Variants in RRP1B observed in about 807,000 individuals in gnomAD.
RRP1B encodes ribosomal RNA processing protein 1 homolog B.
In RRP1B, 56 loss-of-function variants were observed where a neutral mutation model predicts 80.2. The observed-to-expected ratio is 0.70, with a 90% CI of 0.56 to 0.87. The LOEUF (loss-of-function observed/expected upper bound fraction) is 0.87. Among genes scored for constraint, RRP1B ranks in the 40% least tolerant of loss-of-function variants. The probability of loss-of-function intolerance (pLI) is 0.00; values close to 1 mark genes in which losing one functional copy is unlikely to be tolerated. For missense variants in RRP1B, 807 were observed against 939.8 expected (o/e 0.86, Z 1.85); for synonymous variants, 351 against 357.6 (o/e 0.98, Z 0.21).
chr21:43,672,293 AC>A lies in RRP1B; in HGVS notation c.214-11del. 6 of 1,611,924 alleles carry A rather than the reference AC, an allele frequency of 3.7e-6. No homozygotes were observed. The highest frequency in any genetic ancestry group is 5.1e-6 in the Non-Finnish European group (6 of 1,178,916). ...ACGATAACCCCCATGTTTCTCCCCA[AC>A]CCCGCCTCTGCAGGAAGAGCTCGCC... On this transcript the variant is annotated splice_polypyrimidine_tract_variant and intron_variant, in intron 2 of 15. Transcript: ENST00000340648.
In RRP1B at chr21:43,694,461, T is replaced by G. The variant is rs1480539100; in HGVS notation, c.*1078T>G. ...AGCGATTGCTGGATCATTGATCTGT[T>G]TGAGGAAGTGTCTGACCTGGGCCTG... On this transcript the variant is annotated 3_prime_UTR_variant, in exon 16 of 16. Coordinates refer to ENST00000340648, the MANE Select transcript of RRP1B (RefSeq NM_015056.3). 1 of 152,270 alleles carries G rather than the reference T, an allele frequency of 6.6e-6. No homozygotes were observed. Among genetic ancestry groups the G allele is most frequent in the Non-Finnish European group, 1.5e-5 (1 of 68,062 alleles). The allele number at this position is 152,270 out of a possible 1,614,324, so 9.4% of individuals were successfully genotyped here. A position where few individuals can be genotyped will look rare whatever the true frequency, so the allele number is the denominator to read the frequency against.
chr21:43,688,254 A>G lies in RRP1B; in HGVS notation c.1866+14A>G, dbSNP rs1053073983. 14 of 1,518,868 alleles carry G rather than the reference A, an allele frequency of 9.2e-6. No homozygotes were observed. The African/African-American group carries it at 1.4e-4, about 15-fold the overall frequency. 94.1% of individuals were successfully genotyped at this position (1,518,868 alleles called of 1,614,324 possible). A position where few individuals can be genotyped will look rare whatever the true frequency, so the allele number is the denominator to read the frequency against. On this transcript the variant is annotated intron_variant, in intron 13 of 15. Coordinates refer to ENST00000340648, the MANE Select transcript of RRP1B (RefSeq NM_015056.3). ...CCCCAGGCTCTGGTAAGGTGGGAGC[A>G]CCCACAGGCCAGCTCGCCACAGAGG...
In RRP1B at chr21:43,687,736, T is replaced by G. The variant is rs1408561866; in HGVS notation, c.1362T>G (p.Thr454=). Residue 454 remains threonine (T), a synonymous_variant, in exon 13 of 16, where the codon ACT becomes ACG. Transcript: ENST00000340648. ...CAGGTGCAGAGGCCACGTCCAGCACTGGGGAGGAGAGTGGCTCCGAGCATC... is the reference window on the plus strand; with the variant it reads ...CAGGTGCAGAGGCCACGTCCAGCACGGGGGAGGAGAGTGGCTCCGAGCATC... The part of the protein sequence containing the change: ...AEPGAEATSS[T]GEESGSEHPP... 6.2e-7 allele frequency: 1 copy of G among 1,612,972 alleles called. No individual in the cohort carries two copies. Among genetic ancestry groups the G allele is most frequent in the Admixed American group, 1.7e-5 (1 of 60,004 alleles).
At chr21:43,673,666 G>A (rs1338089725) in intron 3 of RRP1B, among the ~76,000 whole-genome samples, 3 of 150,522 alleles carry the variant, frequency 2.0e-5, no homozygotes, top group African/African-American at 7.3e-5. Context: ...TAAAAGATCT[G>A]CACAGTCTAA....
chr21:43,668,360 CTT>C (rs767474011), intron 1 of RRP1B, among the ~76,000 whole-genome samples: 55 of 140,330 alleles, frequency 3.9e-4, no homozygotes, highest in Non-Finnish European at 3.4e-4. Context: ...CTTTTTGTCA[CTT>C]TTTTTTTTTT....
At position 43,675,108 on chromosome 21, in the gene RRP1B, G is replaced by A. The variant is rs2147167162; in HGVS notation, c.494G>A (p.Arg165Lys). Residue 165 changes from arginine to lysine, a missense_variant, in exon 6 of 16, where the codon AGA becomes AAA. Coordinates refer to ENST00000340648, the MANE Select transcript of RRP1B (RefSeq NM_015056.3). Reference sequence around the variant, plus strand: ...GAGAGTCAGTCTCCTAATGGAGTGAGATTCCACTTCATTGATATTTACCTG... The same window carrying A: ...GAGAGTCAGTCTCCTAATGGAGTGAAATTCCACTTCATTGATATTTACCTG... ...CPESQSPNGV[R>K]FHFIDIYLDE... The A allele has an allele frequency of 1.9e-6, 3 of 1,613,332 alleles. No individual in the cohort carries two copies. Among genetic ancestry groups the A allele is most frequent in the Non-Finnish European group, 2.5e-6 (3 of 1,179,312 alleles).
Position 43,687,721 on chromosome 21 carries a change from G to C in RRP1B, c.1347G>C (p.Glu449Asp), listed in dbSNP as rs2083069355. The change falls in exon 13 of 16, where the codon GAG becomes GAC. Residue 449 changes from glutamate to aspartate, a missense_variant. Coordinates refer to ENST00000340648, the MANE Select transcript of RRP1B (RefSeq NM_015056.3). Reference sequence around the variant, plus strand: ...CACGTGTGGCCGAGCCAGGTGCAGAGGCCACGTCCAGCACTGGGGAGGAGA... The same window carrying C: ...CACGTGTGGCCGAGCCAGGTGCAGACGCCACGTCCAGCACTGGGGAGGAGA... ...LKARVAEPGA[E>D]ATSSTGEESG... is the part of the protein sequence containing the mutation. 1 of 1,612,796 alleles carries C rather than the reference G, an allele frequency of 6.2e-7. No homozygotes were observed. The highest frequency in any genetic ancestry group is 8.5e-7 in the Non-Finnish European group (1 of 1,179,660).
At chr21:43,688,598 C>T (rs1601761416) in intron 13 of RRP1B, among the ~76,000 whole-genome samples, 1 of 152,336 alleles carries the variant, frequency 6.6e-6, no homozygotes, top group Admixed American at 6.5e-5. Flanking sequence ...AGCGCATGGC[C>T]AGTCCAGGCC....
At chr21:43,664,979 A>C (rs1480658736) in intron 1 of RRP1B, among the ~76,000 whole-genome samples, 2 of 152,182 alleles carry the variant, frequency 1.3e-5, no homozygotes, top group Non-Finnish European at 2.9e-5. Flanking sequence ...TCAAGGTGAG[A>C]TTTGGGTGGG....
chr21:43,661,412 T>C (rs2082956631), intron 1 of RRP1B, among the ~76,000 whole-genome samples: 1 of 152,224 alleles, frequency 6.6e-6, no homozygotes, highest in African/African-American at 2.4e-5. Context: ...TTTTGGTTGC[T>C]GGTTCCCACC....
chr21:43,689,136 T>C (rs933845755), intron 13 of RRP1B, among the ~76,000 whole-genome samples: 6 of 152,210 alleles, frequency 3.9e-5, no homozygotes, highest in Non-Finnish European at 7.4e-5. Flanking sequence ...CCGGCAAACG[T>C]AGTGTCACTG....
chr21:43,690,654 G>A (rs906321084), intron 14 of RRP1B, among the ~76,000 whole-genome samples: 2 of 152,044 alleles, frequency 1.3e-5, no homozygotes, highest in African/African-American at 2.4e-5. Context: ...TTTGAGGGGC[G>A]GTTGATCCAC....
rs1311373155 is a variant in RRP1B at position 43,691,101 on chromosome 21, CCT to C, written c.2020-333_2020-332del. Among the ~76,000 whole-genome samples, 9 of 152,302 alleles carry C rather than the reference CCT, an allele frequency of 5.9e-5. No homozygotes were observed. The highest frequency in any genetic ancestry group is 1.9e-4 in the African/African-American group (8 of 41,568). ...ACTGTTTTTAGGACAGTTCAGGCAT[CCT>C]CTCTGTTTGCCTTTCTTCCCTGGAT... is the stretch of plus-strand genomic sequence containing the variant. On this transcript the variant is annotated intron_variant, in intron 14 of 15. Coordinates refer to ENST00000340648, the MANE Select transcript of RRP1B (RefSeq NM_015056.3). The surrounding 1 kb of genome is among the most constrained non-coding windows in gnomAD (Gnocchi z 4.2).
At position 43,659,894 on chromosome 21, in the gene RRP1B, TGTC is replaced by T. The variant is rs1254390919; in HGVS notation, c.130+103_130+105del. The stretch of plus-strand genomic sequence containing the variant: ...GGCACGGAATGCGGCTTCCACGTGT[TGTC>T]GTGACACCCAGCGTGTGCTTCGGTT... On this transcript the variant is annotated intron_variant, in intron 1 of 15. Transcript: ENST00000340648. This position sits in a 1 kb window ranked among gnomAD's most constrained non-coding sequence, Gnocchi z 4.2. The T allele has an allele frequency of 6.3e-6, 8 of 1,262,660 alleles. No homozygotes were observed. Among genetic ancestry groups the T allele is most frequent in the East Asian group, 3.1e-5 (1 of 31,986 alleles). 78.2% of individuals were successfully genotyped at this position (1,262,660 alleles called of 1,614,324 possible).
At chr21:43,660,654 G>T (rs376240825) in intron 1 of RRP1B, among the ~76,000 whole-genome samples, 1 of 152,210 alleles carries the variant, frequency 6.6e-6, no homozygotes. Context: ...TTCTGGGAAG[G>T]CCTCTCTGGG....
Position 43,691,766 on chromosome 21 carries a change from G to A in RRP1B, c.2083+264G>A, listed in dbSNP as rs1398380991. ...GCGATTCTCCTGCCTCAGGCTGCCG[G>A]GTAGCGGGTAGCTGGGATCACAGGT... is the stretch of plus-strand genomic sequence containing the variant. On this transcript the variant is annotated intron_variant, in intron 15 of 15. Coordinates refer to ENST00000340648, the MANE Select transcript of RRP1B (RefSeq NM_015056.3). This position sits in a 1 kb window ranked among gnomAD's most constrained non-coding sequence, Gnocchi z 4.2. 6.6e-6 allele frequency among the ~76,000 whole-genome samples: 1 copy of A among 151,964 alleles called. No homozygotes were observed. Among genetic ancestry groups the A allele is most frequent in the African/African-American group, 2.4e-5 (1 of 41,342 alleles).
chr21:43,688,627 G>A (rs1427302943), intron 13 of RRP1B, among the ~76,000 whole-genome samples: 1 of 152,206 alleles, frequency 6.6e-6, no homozygotes, highest in Non-Finnish European at 1.5e-5. Flanking sequence ...AAAAGAGGAA[G>A]CCCAAAATTC....
chr21:43,661,116 A>G (rs2082954663), intron 1 of RRP1B, among the ~76,000 whole-genome samples: 1 of 152,210 alleles, frequency 6.6e-6, no homozygotes, highest in Admixed American at 6.5e-5. Flanking sequence ...TTTCCTGGGA[A>G]GTCTGATAGA....
rs139793981 is a variant in RRP1B, at chr21:43,668,523, A to G, written c.131-1361A>G. ...GCTGGGACTATAGGCGCCCGCCACC[A>G]TACCCGGCTAATTTTTTTTGTATTT... On this transcript the variant is annotated intron_variant, in intron 1 of 15. Transcript: ENST00000340648. 2.3e-3 allele frequency among the ~76,000 whole-genome samples: 351 copies of G among 151,950 alleles called. 5 individuals are homozygous for G. Among genetic ancestry groups the G allele is most frequent in the African/African-American group, 7.9e-3 (328 of 41,480 alleles).
Sources: gnomAD v4.1 joint callset for allele counts (sites outside exome capture counted in the v4.1 genomes callset) on GRCh38, gnomAD v4.1.1 for gene constraint, Gnocchi (gnomAD v3.1) non-coding constraint, MANE v1.5 for transcripts, NCBI Gene and HGNC (gene_info 2026-07-23, HGNC 2026-07-21) for gene names.